Variants in NTMT1 observed in about 807,000 individuals in gnomAD.
NTMT1 encodes the protein N-terminal Xaa-Pro-Lys N-methyltransferase 1, also known as N-terminal RCC1 methyltransferase.
In NTMT1, 8 loss-of-function variants were observed where a neutral mutation model predicts 17.5. That is an observed-to-expected ratio of 0.46 (90% CI 0.27 to 0.82). The LOEUF (loss-of-function observed/expected upper bound fraction) is 0.82, where lower values mean the gene tolerates loss of function less well. Ranked by LOEUF, NTMT1 falls within the 40% of genes least tolerant of loss-of-function variation. The pLI is 0.15. For missense variants in NTMT1, 221 were observed against 303.5 expected (o/e 0.73, Z 2.02); for synonymous variants, 128 against 126.8 (o/e 1.01, Z -0.06).
chr9:129,617,544 G>A (rs1412497073), intron 1 of NTMT1, among the ~76,000 whole-genome samples: 3 of 152,236 alleles, frequency 2.0e-5, no homozygotes, highest in Admixed American at 2.0e-4. Context: ...GTCTGTAACT[G>A]TGTTTGTCTC....
chr9:129,631,219 C>G (rs1414921027), intron 1 of NTMT1, among the ~76,000 whole-genome samples: 4 of 152,212 alleles, frequency 2.6e-5, no homozygotes, highest in African/African-American at 9.6e-5. Context: ...TGAGTGTCCT[C>G]GACACTTTGT....
Position 129,612,436 on chromosome 9 carries a change from G to A in NTMT1, c.-55+3258G>A, listed in dbSNP as rs111616716. On this transcript the variant is annotated intron_variant, in intron 1 of 3. Coordinates refer to the NTMT1 transcript ENST00000372486. ...TGCTTCAGGACCGACTGCAGCACCC[G>A]GTTGGGCAGGAGGGACTCCTAGAGT... 2.2e-5 allele frequency: 35 copies of A among 1,613,362 alleles called. No individual in the cohort carries two copies. In the African/African-American group the frequency reaches 3.2e-4, roughly 15 times the overall value.
rs763807224 is a variant in NTMT1, at chr9:129,620,514, CG to C, written c.-55+11337del. ...TCGCTGCTGCGTCGGAAGTCTCCGT[CG>C]CCAGGGAGCCCCTTGGGCGCCAGGT... is the stretch of plus-strand genomic sequence containing the variant. On this transcript the variant is annotated intron_variant, in intron 1 of 3. Coordinates refer to the NTMT1 transcript ENST00000372486. The surrounding 1 kb of genome is among the most constrained non-coding windows in gnomAD (Gnocchi z 5.8). 6.9e-7 allele frequency: 1 copy of C among 1,441,024 alleles called. No individual in the cohort carries two copies. Among genetic ancestry groups the C allele is most frequent in the Non-Finnish European group, 9.1e-7 (1 of 1,095,118 alleles). The allele number at this position is 1,441,024 out of a possible 1,614,324, so 89.3% of individuals were successfully genotyped here.
rs1028026423 is a variant in NTMT1, at chr9:129,635,694, G to A, written c.*230G>A. The stretch of plus-strand genomic sequence containing the variant: ...GCAGGAGCCCAGACCCTGCTCTCCT[G>A]CGAGATGGGATTGGGTGGAAGGGGC... On this transcript the variant is annotated 3_prime_UTR_variant, in exon 4 of 4. Coordinates refer to ENST00000372483, the MANE Select transcript of NTMT1 (RefSeq NM_014064.4). The A allele has an allele frequency of 3.7e-6, 2 of 536,284 alleles. No individual in the cohort carries two copies. Among genetic ancestry groups the A allele is most frequent in the African/African-American group, 3.8e-5 (2 of 52,514 alleles). The allele number at this position is 536,284 out of a possible 1,614,324, so 33.2% of individuals were successfully genotyped here.
At chr9:129,631,388 C>T (rs1278779444) in intron 1 of NTMT1, among the ~76,000 whole-genome samples, 2 of 152,256 alleles carry the variant, frequency 1.3e-5, no homozygotes, top group African/African-American at 4.8e-5. Context: ...CCTTGGGAAG[C>T]TTATGGCAGA....
chr9:129,613,126 G>C lies in NTMT1; in HGVS notation c.-55+3948G>C. The C allele has an allele frequency of 1.2e-6, 2 of 1,613,876 alleles. No homozygotes were observed. Among genetic ancestry groups the C allele is most frequent in the Admixed American group, 1.7e-5 (1 of 60,022 alleles). On this transcript the variant is annotated intron_variant, in intron 1 of 3. Transcript: ENST00000372486. The surrounding 1 kb of genome is among the most constrained non-coding windows in gnomAD (Gnocchi z 6.2). ...GCCCACCTGCTCCAGGTTTCTGTGC[G>C]GGTCCAAGAAGGCTCGGAGGCTGCT... is the stretch of plus-strand genomic sequence containing the variant.
At chr9:129,633,878 A>G (rs977219069) in intron 2 of NTMT1, among the ~76,000 whole-genome samples, 176 bp from the exon 3 acceptor site, 1 of 152,148 alleles carries the variant, frequency 6.6e-6, no homozygotes, top group Non-Finnish European at 1.5e-5. Context: ...GTGTCCTCCC[A>G]TGCTCATCCC....
chr9:129,612,350 C>T lies in NTMT1; in HGVS notation c.-55+3172C>T, dbSNP rs148611877. 2.2e-3 allele frequency: 3,578 copies of T among 1,613,494 alleles called. 6 individuals are homozygous for T. The highest frequency in any genetic ancestry group is 2.8e-3 in the Non-Finnish European group (3,358 of 1,179,712). ...CTGGCCTTGGGTTCGCGAGTGTTCA[C>T]CTCTTATCTGGCTGCAGTGTTGCGG... On this transcript the variant is annotated intron_variant, in intron 1 of 3. Coordinates refer to the NTMT1 transcript ENST00000372486.
At position 129,632,646 on chromosome 9, in the gene NTMT1, C is replaced by A; in HGVS notation, c.-54-4C>A. 6.2e-7 allele frequency: 1 copy of A among 1,600,848 alleles called. No individual in the cohort carries two copies. Among genetic ancestry groups the A allele is most frequent in the Non-Finnish European group, 8.5e-7 (1 of 1,170,628 alleles). Reference sequence around the variant, plus strand: ...CGCTGACTCACGCCCCCTTCCTTACCCAGGAGAGTCGCGGTTGCTGATCGT... The same window carrying A: ...CGCTGACTCACGCCCCCTTCCTTACACAGGAGAGTCGCGGTTGCTGATCGT... On this transcript the variant is annotated splice_polypyrimidine_tract_variant and splice_region_variant and intron_variant, in intron 1 of 3. Coordinates refer to ENST00000372483, the MANE Select transcript of NTMT1 (RefSeq NM_014064.4).
At chr9:129,629,084 TG>T (rs1475655659) in intron 1 of NTMT1, among the ~76,000 whole-genome samples, 1 of 152,014 alleles carries the variant, frequency 6.6e-6, no homozygotes, top group Non-Finnish European at 1.5e-5. Context: ...CTCAAACTCC[TG>T]GGCTCAAGCA....
chr9:129,613,504 G>C lies in NTMT1; in HGVS notation c.-55+4326G>C. 1 of 1,614,162 alleles carries C rather than the reference G, an allele frequency of 6.2e-7. No individual in the cohort carries two copies. Among genetic ancestry groups the C allele is most frequent in the Non-Finnish European group, 8.5e-7 (1 of 1,180,030 alleles). ...CTTGGCCCCAGGGTACAGGGCTTTG[G>C]GCAAACTCTCCAGCCGTTTTCCGAC... On this transcript the variant is annotated intron_variant, in intron 1 of 3. Transcript: ENST00000372486. This position sits in a 1 kb window ranked among gnomAD's most constrained non-coding sequence, Gnocchi z 6.2.
intron 1 of NTMT1, among the ~76,000 whole-genome samples, chr9:129,612,746 T>C (rs1316801375): frequency 2.6e-5 from 4 of 151,954 alleles, no homozygotes; most frequent in South Asian, 2.1e-4. Context: ...GGTGTGGTGG[T>C]GGGTGTCCCC....
At chr9:129,612,079 T>C (rs1011571411) in intron 1 of NTMT1, 4 of 408,296 alleles carry the variant, frequency 9.8e-6, no homozygotes, top group Non-Finnish European at 1.4e-5. Context: ...TGTGGCAGGG[T>C]CTCCCACCTT....
Position 129,620,628 on chromosome 9 carries a change from C to T in NTMT1, c.-55+11450C>T. On this transcript the variant is annotated intron_variant, in intron 1 of 3. Coordinates refer to the NTMT1 transcript ENST00000372486. The surrounding 1 kb of genome is among the most constrained non-coding windows in gnomAD (Gnocchi z 5.8). ...CCTCAGCGCGCGTGGGTGGGGGGCGCCGGCTGAGGTGGGGAGGGCATAGTC... is the reference window on the plus strand; with the variant it reads ...CCTCAGCGCGCGTGGGTGGGGGGCGTCGGCTGAGGTGGGGAGGGCATAGTC... 1 of 1,283,946 alleles carries T rather than the reference C, an allele frequency of 7.8e-7. No individual in the cohort carries two copies. Among genetic ancestry groups the T allele is most frequent in the East Asian group, 3.0e-5 (1 of 33,858 alleles). The allele number at this position is 1,283,946 out of a possible 1,614,324, so 79.5% of individuals were successfully genotyped here.
chr9:129,613,405 C>T lies in NTMT1; in HGVS notation c.-55+4227C>T, dbSNP rs755062227. The stretch of plus-strand genomic sequence containing the variant: ...GGGTGGAGGGCCCTGGCAATGTCCA[C>T]GAGTCCCATCCGCTTCCCTGGAGCC... On this transcript the variant is annotated intron_variant, in intron 1 of 3. Coordinates refer to the NTMT1 transcript ENST00000372486. This position sits in a 1 kb window ranked among gnomAD's most constrained non-coding sequence, Gnocchi z 6.2. 30 of 1,608,412 alleles carry T rather than the reference C, an allele frequency of 1.9e-5. No individual in the cohort carries two copies. The highest frequency in any genetic ancestry group is 2.2e-5 in the East Asian group (1 of 44,762).
rs1406903213 is a variant in NTMT1 at position 129,636,033 on chromosome 9, C to T, written c.*569C>T. 6.6e-6 allele frequency: 1 copy of T among 152,638 alleles called. No individual in the cohort carries two copies. Among genetic ancestry groups the T allele is most frequent in the Non-Finnish European group, 1.5e-5 (1 of 68,380 alleles). 9.5% of individuals were successfully genotyped at this position (152,638 alleles called of 1,614,324 possible). A position where few individuals can be genotyped will look rare whatever the true frequency, so the allele number is the denominator to read the frequency against. On this transcript the variant is annotated 3_prime_UTR_variant, in exon 4 of 4. Transcript: ENST00000372483. Reference sequence around the variant, plus strand: ...CAACAGCCTGCAGCAAGGGAAGTTCCCCGTAGCCTCAGTCTTCTCTGGGCT... The same window carrying T: ...CAACAGCCTGCAGCAAGGGAAGTTCTCCGTAGCCTCAGTCTTCTCTGGGCT...
At chr9:129,629,761 C>T (rs191383964) in intron 1 of NTMT1, among the ~76,000 whole-genome samples, 5 of 152,276 alleles carry the variant, frequency 3.3e-5, no homozygotes, top group East Asian at 1.9e-4. Context: ...AACCCTTGTG[C>T]GTGAACAGTA....
chr9:129,635,401 CGAGGA>C lies in NTMT1; in HGVS notation c.614_618del (p.Glu205AlafsTer7), dbSNP rs776328397. On this transcript the variant is annotated frameshift_variant, in exon 4 of 4. Coordinates refer to ENST00000372483, the MANE Select transcript of NTMT1 (RefSeq NM_014064.4). LOFTEE classifies it high-confidence loss of function. ...GCAGTGCAGGCCTCAGCCTCCTGGC[CGAGGA>C]GAGGCAGGAGAACCTCCCCGATGAG... is the stretch of plus-strand genomic sequence containing the variant. 10 of 1,613,390 alleles carry C rather than the reference CGAGGA, an allele frequency of 6.2e-6. No individual in the cohort carries two copies. Among genetic ancestry groups the C allele is most frequent in the Non-Finnish European group, 8.5e-6 (10 of 1,179,826 alleles).
chr9:129,628,143 G>A (rs1297067069), intron 1 of NTMT1, among the ~76,000 whole-genome samples: 1 of 152,238 alleles, frequency 6.6e-6, no homozygotes, highest in Admixed American at 6.5e-5. Context: ...TACGGCATCT[G>A]TGCTCTGGAG....
Sources: allele counts gnomAD v4.1 joint callset (sites outside exome capture counted in the v4.1 genomes callset), GRCh38; gene constraint gnomAD v4.1.1; non-coding constraint Gnocchi (gnomAD v3.1); transcripts MANE v1.5; gene names NCBI Gene and HGNC (gene_info 2026-07-23, HGNC 2026-07-21).